Variants in SEMA5A observed in about 807,000 individuals in gnomAD.
SEMA5A encodes the protein semaphorin 5A.
Under a neutral mutation model 135.5 loss-of-function variants are expected in SEMA5A, and 55 were observed. The observed-to-expected ratio is 0.41, with a 90% CI of 0.33 to 0.51. The LOEUF is 0.51. SEMA5A is among the 20% of genes least tolerant of loss of function. The probability of loss-of-function intolerance (pLI) is 0.37; values close to 1 mark genes in which losing one functional copy is unlikely to be tolerated. For missense variants in SEMA5A, 1,290 were observed against 1,419.9 expected (o/e 0.91, Z 1.47); for synonymous variants, 580 against 546.5 (o/e 1.06, Z -0.85).
At chr5:9,321,150 C>T (rs1001793617) in intron 4 of SEMA5A, among the ~76,000 whole-genome samples, 39 of 152,248 alleles carry the variant, frequency 2.6e-4, no homozygotes, top group African/African-American at 8.9e-4. Context: ...TTTCTCTCTC[C>T]TGCCACCATG....
intron 2 of SEMA5A, among the ~76,000 whole-genome samples, chr5:9,414,744 G>A (rs1162838737): frequency 6.6e-6 from 1 of 152,134 alleles, no homozygotes; most frequent in Non-Finnish European, 1.5e-5. Flanking sequence ...ATCACACCAT[G>A]GGCTTTTGAG....
chr5:9,435,296 A>G (rs940312834), intron 2 of SEMA5A, among the ~76,000 whole-genome samples: 4 of 152,202 alleles, frequency 2.6e-5, no homozygotes, highest in Non-Finnish European at 5.9e-5. Context: ...GAAACTATAT[A>G]AAAACCAAAG....
At chr5:9,213,810 A>T (rs1172553242) in intron 8 of SEMA5A, among the ~76,000 whole-genome samples, 1 of 152,176 alleles carries the variant, frequency 6.6e-6, no homozygotes, top group African/African-American at 2.4e-5. Flanking sequence ...GGCAAGGAAG[A>T]ACCAGAGGCA....
At position 9,040,223 on chromosome 5, in the gene SEMA5A, G is replaced by C. The variant is rs191188116; in HGVS notation, c.*2674C>G. Reference sequence around the variant, plus strand: ...GGCAGGAAGGAAGAACAAAAGGAGGGAATGAAGGACAAAAACAAAGATAAA... The same window carrying C: ...GGCAGGAAGGAAGAACAAAAGGAGGCAATGAAGGACAAAAACAAAGATAAA... On this transcript the variant is annotated 3_prime_UTR_variant, in exon 23 of 23. Coordinates refer to ENST00000382496, the MANE Select transcript of SEMA5A (RefSeq NM_003966.3). 3.9e-5 allele frequency: 6 copies of C among 152,294 alleles called. No homozygotes were observed. Among genetic ancestry groups the C allele is most frequent in the Admixed American group, 3.9e-4 (6 of 15,292 alleles). 9.4% of individuals were successfully genotyped at this position (152,294 alleles called of 1,614,324 possible). A position where few individuals can be genotyped will look rare whatever the true frequency, so the allele number is the denominator to read the frequency against.
intron 1 of SEMA5A, among the ~76,000 whole-genome samples, chr5:9,493,299 A>C (rs954282974): frequency 1.3e-5 from 2 of 150,604 alleles, no homozygotes; most frequent in Admixed American, 1.3e-4. Context: ...CTATCTATCT[A>C]TATATATAAA....
intron 7 of SEMA5A, 34 bp from the exon 8 acceptor site, chr5:9,224,921 T>C (rs1561043524): frequency 6.3e-7 from 1 of 1,580,808 alleles, no homozygotes; most frequent in Admixed American, 1.7e-5. Flanking sequence ...AGCAGTTATC[T>C]CTGCACAAGC....
chr5:9,092,611 C>G (rs940466455), intron 16 of SEMA5A, among the ~76,000 whole-genome samples: 24 of 152,120 alleles, frequency 1.6e-4, no homozygotes, highest in African/African-American at 5.3e-4. Flanking sequence ...AGAATATGAA[C>G]AGGAAATGAG....
intron 5 of SEMA5A, among the ~76,000 whole-genome samples, chr5:9,267,059 A>G (rs4702617): frequency 0.36 from 54,984 of 152,142 alleles, 10,574 homozygotes; most frequent in East Asian, 0.47. Flanking sequence ...GCCCAGCTAG[A>G]AAGTAGCAGA....
chr5:9,422,371 A>G (rs16882716), intron 2 of SEMA5A: 6,079 of 152,280 alleles, frequency 0.04, 136 homozygotes, highest in Middle Eastern at 0.078. Flanking sequence ...ACCCGAACCT[A>G]AATACAGACC....
chr5:9,510,107 A>G (rs181347721), intron 1 of SEMA5A, among the ~76,000 whole-genome samples: 1 of 152,320 alleles, frequency 6.6e-6, no homozygotes, highest in Admixed American at 6.5e-5. Context: ...AAAGAACATT[A>G]AAAGAAATAG....
At chr5:9,070,278 T>C (rs1737703922) in intron 16 of SEMA5A, among the ~76,000 whole-genome samples, 1 of 151,898 alleles carries the variant, frequency 6.6e-6, no homozygotes, top group Admixed American at 6.6e-5. Context: ...GGCTGAGGCA[T>C]GAGAATTGCT....
chr5:9,230,576 A>G (rs1432809686), intron 6 of SEMA5A, among the ~76,000 whole-genome samples: 1 of 152,208 alleles, frequency 6.6e-6, no homozygotes, highest in Non-Finnish European at 1.5e-5. Flanking sequence ...GATGAGCCAC[A>G]TCCCCATGTG....
chr5:9,530,362 T>C (rs925838433), intron 1 of SEMA5A, among the ~76,000 whole-genome samples: 1 of 152,224 alleles, frequency 6.6e-6, no homozygotes, highest in Non-Finnish European at 1.5e-5. Context: ...CAGAATTTGA[T>C]GGATAATTAC....
intron 8 of SEMA5A, among the ~76,000 whole-genome samples, chr5:9,216,610 G>T (rs1336387678): frequency 7.0e-6 from 1 of 143,638 alleles, no homozygotes; most frequent in African/African-American, 3.0e-5. Flanking sequence ...TTATTATTGT[G>T]TGTGAGTCCA....
chr5:9,355,466 G>A (rs369239758), intron 3 of SEMA5A, among the ~76,000 whole-genome samples: 15 of 152,166 alleles, frequency 9.9e-5, no homozygotes, highest in African/African-American at 2.4e-4. Context: ...ATAAGGAAAC[G>A]TGAGAAACTG....
intron 6 of SEMA5A, among the ~76,000 whole-genome samples, chr5:9,228,809 C>T (rs1371900724): frequency 6.6e-6 from 1 of 152,264 alleles, no homozygotes; most frequent in Non-Finnish European, 1.5e-5. Context: ...TGAATCACAT[C>T]ATGCTGGAAA....
At chr5:9,096,738 C>A (rs913562098) in intron 16 of SEMA5A, among the ~76,000 whole-genome samples, 13 of 151,874 alleles carry the variant, frequency 8.6e-5, no homozygotes, top group Non-Finnish European at 5.9e-5. Context: ...AGAACTCATA[C>A]AACATGATAA....
chr5:9,318,796 C>A (rs1752499569), intron 4 of SEMA5A, among the ~76,000 whole-genome samples: 1 of 152,194 alleles, frequency 6.6e-6, no homozygotes, highest in Non-Finnish European at 1.5e-5. Flanking sequence ...TTATAATTAT[C>A]ACCTAAATTC....
chr5:9,086,176 C>T (rs1270319561), intron 16 of SEMA5A, among the ~76,000 whole-genome samples: 1 of 152,108 alleles, frequency 6.6e-6, no homozygotes, highest in Non-Finnish European at 1.5e-5. Flanking sequence ...GGACTGTGGA[C>T]TTTTGAGTTA....
Sources: gnomAD v4.1 joint callset for allele counts (sites outside exome capture counted in the v4.1 genomes callset) on GRCh38, gnomAD v4.1.1 for gene constraint, MANE v1.5 for transcripts, NCBI Gene and HGNC (gene_info 2026-07-23, HGNC 2026-07-21) for gene names.